The following RIC1 variants were observed in gnomAD, a reference collection of about 807,000 sequenced individuals.
RIC1 encodes the protein RIC1 partner of RAB6A GEF complex.
RIC1 carries 88 observed loss-of-function variants against 169.0 expected under a neutral mutation model. The observed-to-expected ratio is 0.52, with a 90% CI of 0.44 to 0.62. The LOEUF (loss-of-function observed/expected upper bound fraction) is 0.62, where lower values mean the gene tolerates loss of function less well. RIC1 is among the 20% of genes least tolerant of loss of function. The pLI, the probability that RIC1 is intolerant of heterozygous loss-of-function variation, is 0.00. For synonymous variants in RIC1, 790 were observed against 601.5 expected (o/e 1.31, Z -4.59); for missense variants, 1,877 against 1,725.5 (o/e 1.09, Z -1.56).
intron 3 of RIC1, among the ~76,000 whole-genome samples, chr9:5,699,362 A>G (rs962903034): frequency 1.3e-5 from 2 of 152,228 alleles, no homozygotes; most frequent in African/African-American, 4.8e-5. Context: ...ATCTGGTCCA[A>G]GGTGGGCTTC....
At chr9:5,740,766 T>A (rs1478254415) in intron 8 of RIC1, among the ~76,000 whole-genome samples, 3 of 152,030 alleles carry the variant, frequency 2.0e-5, no homozygotes, top group Admixed American at 6.6e-5. Flanking sequence ...GCCCACTGAC[T>A]CAAATGTTAA....
chr9:5,756,285 T>C lies in RIC1; in HGVS notation c.1766T>C (p.Leu589Ser). The C allele has an allele frequency of 6.2e-7, 1 of 1,606,464 alleles. No homozygotes were observed. Among genetic ancestry groups the C allele is most frequent in the Non-Finnish European group, 8.5e-7 (1 of 1,175,226 alleles). ...AHVTKAQAET[L>S]LLSVFQDMVI... is the part of the protein sequence containing the mutation. The stretch of plus-strand genomic sequence containing the variant: ...GTCACCAAAGCACAAGCAGAAACAT[T>C]ACTGCTTAGTGTCTTCCAGGACATG... The change falls in exon 16 of 26, where the codon TTA becomes TCA. Residue 589 changes from leucine (L) to serine (S), a missense_variant. Physicochemically the swap from Leu to Ser is moderately radical, Grantham distance 145. Coordinates refer to ENST00000414202, the MANE Select transcript of RIC1 (RefSeq NM_020829.4).
chr9:5,734,199 T>C (rs1479975230), intron 7 of RIC1, among the ~76,000 whole-genome samples: 1 of 151,786 alleles, frequency 6.6e-6, no homozygotes, highest in Non-Finnish European at 1.5e-5. Context: ...CTCTGCCTCC[T>C]GGGTTCAAGT....
rs1821120609 is a variant in RIC1 at position 5,684,951 on chromosome 9, T to TA, written c.253-5006dup. 3.3e-5 allele frequency among the ~76,000 whole-genome samples: 5 copies of TA among 152,308 alleles called. No individual in the cohort carries two copies. In the South Asian group the frequency reaches 1.0e-3, roughly 32 times the overall value. ...TGGTTTTCCTTTTTTAGTTTGTTAA[T>TA]AAGGTAAATTACATGTATTTAATTT... On this transcript the variant is annotated intron_variant, in intron 2 of 25. Coordinates refer to ENST00000414202, the MANE Select transcript of RIC1 (RefSeq NM_020829.4).
intron 7 of RIC1, among the ~76,000 whole-genome samples, chr9:5,734,878 C>G (rs1300567844): frequency 6.6e-6 from 1 of 152,068 alleles, no homozygotes; most frequent in Non-Finnish European, 1.5e-5. Context: ...TGCCTTATTT[C>G]TTGGTTTCTA....
intron 6 of RIC1, among the ~76,000 whole-genome samples, chr9:5,723,015 A>T (rs934371332): frequency 2.6e-5 from 4 of 152,232 alleles, no homozygotes; most frequent in Admixed American, 2.6e-4. Flanking sequence ...CACAATAAAC[A>T]TACATGTGCG....
intron 3 of RIC1, among the ~76,000 whole-genome samples, chr9:5,698,422 CTTTAAGGGCCACTCA>C (rs1822031671): frequency 6.6e-6 from 1 of 152,094 alleles, no homozygotes. Flanking sequence ...TTTCATGGCC[CTTTAAGGGCCACTCA>C]TTAACATGAA....
chr9:5,738,198 A>G (rs1296966059), intron 7 of RIC1, among the ~76,000 whole-genome samples: 1 of 152,192 alleles, frequency 6.6e-6, no homozygotes, highest in Non-Finnish European at 1.5e-5. Context: ...TTTAAAAATT[A>G]TCACAATAGT....
intron 10 of RIC1, among the ~76,000 whole-genome samples, chr9:5,744,416 T>C (rs1825262447): frequency 6.6e-6 from 1 of 152,186 alleles, no homozygotes; most frequent in Non-Finnish European, 1.5e-5. Context: ...AAGAGAATTA[T>C]GGTCACTGTT....
intron 1 of RIC1, among the ~76,000 whole-genome samples, chr9:5,651,253 C>T (rs531003093): frequency 2.7e-4 from 41 of 152,314 alleles, no homozygotes; most frequent in Middle Eastern, 3.4e-3. Flanking sequence ...AACAACCTTG[C>T]TTCCCTCTTC....
intron 1 of RIC1, among the ~76,000 whole-genome samples, chr9:5,638,074 A>G (rs1346848250): frequency 2.0e-5 from 3 of 152,152 alleles, no homozygotes; most frequent in Non-Finnish European, 4.4e-5. Context: ...AATTTTTATG[A>G]AATGCTTTTT....
intron 1 of RIC1, among the ~76,000 whole-genome samples, chr9:5,646,648 A>G (rs965562759): frequency 2.0e-5 from 3 of 152,180 alleles, no homozygotes; most frequent in African/African-American, 7.2e-5. Flanking sequence ...GTTTGTGTTA[A>G]GTACCCACTG....
In RIC1 at chr9:5,629,193, A is replaced by AGCTGCC. The variant is rs1276260884; in HGVS notation, c.-114_-109dup. ...GCCAGGCCAGCGGGCAGATGCCCCG[A>AGCTGCC]GCTGCCGCCGCCGCCGCCGCCGACT... On this transcript the variant is annotated 5_prime_UTR_variant, in exon 1 of 26. Transcript: ENST00000414202. The AGCTGCC allele has an allele frequency of 9.2e-7, 1 of 1,087,598 alleles. No homozygotes were observed. Among genetic ancestry groups the AGCTGCC allele is most frequent in the Non-Finnish European group, 1.2e-6 (1 of 844,100 alleles). 67.4% of individuals were successfully genotyped at this position (1,087,598 alleles called of 1,614,324 possible). A position where few individuals can be genotyped will look rare whatever the true frequency, so the allele number is the denominator to read the frequency against.
At chr9:5,743,970 T>G (rs527653524) in intron 10 of RIC1, among the ~76,000 whole-genome samples, 25 of 152,112 alleles carry the variant, frequency 1.6e-4, no homozygotes, top group Non-Finnish European at 3.1e-4. Flanking sequence ...ACGGTTAATT[T>G]TTTTGATTTT....
At chr9:5,772,383 G>A (rs970138756) in intron 23 of RIC1, among the ~76,000 whole-genome samples, 181 bp from the exon 24 acceptor site, 11 of 152,070 alleles carry the variant, frequency 7.2e-5, no homozygotes, top group Admixed American at 3.3e-4. Flanking sequence ...ACATAATGTC[G>A]GTTATCTAAT....
chr9:5,766,352 AC>A (rs1445911199), intron 21 of RIC1, among the ~76,000 whole-genome samples: 4 of 151,944 alleles, frequency 2.6e-5, no homozygotes, highest in African/African-American at 7.3e-5. Flanking sequence ...AATGCTACAA[AC>A]TTTTTTTTCC....
intron 1 of RIC1, among the ~76,000 whole-genome samples, chr9:5,654,040 C>T (rs532858344): frequency 1.3e-5 from 2 of 152,324 alleles, no homozygotes; most frequent in African/African-American, 4.8e-5. Context: ...TACTCTATCA[C>T]TTAGGCTGGA....
At position 5,707,378 on chromosome 9, in the gene RIC1, G is replaced by C. The variant is rs76400592; in HGVS notation, c.333-6518G>C. Among the ~76,000 whole-genome samples, 1,385 of 152,144 alleles carry C rather than the reference G, an allele frequency of 9.1e-3. 31 individuals are homozygous for C. The highest frequency in any genetic ancestry group is 0.032 in the African/African-American group (1,314 of 41,536). On this transcript the variant is annotated intron_variant, in intron 3 of 25. Coordinates refer to ENST00000414202, the MANE Select transcript of RIC1 (RefSeq NM_020829.4). ...CTGTTGGGTGGCATATTCAGTATGT[G>C]TCTTAGGTCTAAGTGGTTTATATAG...
At chr9:5,696,480 C>G (rs750289919) in intron 3 of RIC1, among the ~76,000 whole-genome samples, 1 of 152,062 alleles carries the variant, frequency 6.6e-6, no homozygotes, top group Non-Finnish European at 1.5e-5. Flanking sequence ...ACTCTATAAA[C>G]CTTCTGCCCT....
Sources: allele counts gnomAD v4.1 joint callset (sites outside exome capture counted in the v4.1 genomes callset), GRCh38; gene constraint gnomAD v4.1.1; transcripts MANE v1.5; gene names NCBI Gene and HGNC (gene_info 2026-07-23, HGNC 2026-07-21).